The following DNM3 variants were observed in gnomAD, a reference collection of about 807,000 sequenced individuals.
DNM3 encodes the protein dynamin 3.
In DNM3, 47 loss-of-function variants were observed where a neutral mutation model predicts 101.6. The observed-to-expected ratio is 0.46, with a 90% CI of 0.37 to 0.59. DNM3 has a LOEUF of 0.59. DNM3 is among the 20% of genes least tolerant of loss of function. The pLI, the probability that DNM3 is intolerant of heterozygous loss-of-function variation, is 0.00. For synonymous variants in DNM3, 385 were observed against 387.9 expected (o/e 0.99, Z 0.09); for missense variants, 849 against 1,085.7 (o/e 0.78, Z 3.06).
At chr1:171,977,568 T>C (rs1477526435) in intron 2 of DNM3, among the ~76,000 whole-genome samples, 1 of 152,256 alleles carries the variant, frequency 6.6e-6, no homozygotes, top group African/African-American at 2.4e-5. Flanking sequence ...CAATTGGAAT[T>C]AGATAGAAAT....
chr1:172,278,016 G>A (rs1180445363), intron 15 of DNM3, among the ~76,000 whole-genome samples: 2 of 152,066 alleles, frequency 1.3e-5, no homozygotes, highest in East Asian at 1.9e-4. Context: ...TCAGCTCAGA[G>A]ATTCATTGCA....
chr1:171,998,001 C>T (rs896355226), intron 4 of DNM3, among the ~76,000 whole-genome samples: 1 of 152,006 alleles, frequency 6.6e-6, no homozygotes, highest in African/African-American at 2.4e-5. Flanking sequence ...CCAAAGTATG[C>T]CAGTCAGGTG....
At chr1:171,937,033 A>C (rs2125394055) in intron 2 of DNM3, among the ~76,000 whole-genome samples, 1 of 152,316 alleles carries the variant, frequency 6.6e-6, no homozygotes, top group Middle Eastern at 3.4e-3. Context: ...TTCACCGATG[A>C]GATATTTTAA....
intron 14 of DNM3, among the ~76,000 whole-genome samples, chr1:172,211,016 G>A (rs1027171081): frequency 5.9e-5 from 9 of 152,022 alleles, no homozygotes; most frequent in African/African-American, 2.2e-4. Flanking sequence ...GATTGCTATT[G>A]CAGCCAAAGG....
intron 2 of DNM3, among the ~76,000 whole-genome samples, chr1:171,941,821 T>G (rs2041834577): frequency 6.6e-6 from 1 of 152,230 alleles, no homozygotes; most frequent in African/African-American, 2.4e-5. Flanking sequence ...TATCATTTTC[T>G]AATTATGCCC....
intron 1 of DNM3, among the ~76,000 whole-genome samples, chr1:171,845,877 A>G (rs545358231): frequency 3.9e-5 from 6 of 152,360 alleles, no homozygotes; most frequent in African/African-American, 1.2e-4. Context: ...TTCAATGCTA[A>G]TTATATAGGC....
downstream of DNM3, chr1:172,412,768 T>TAATA (rs1439784283): frequency 1.0e-6 from 1 of 979,856 alleles, no homozygotes; most frequent in Non-Finnish European, 1.2e-6. Flanking sequence ...TGCCTTTCAG[T>TAATA]AATACCTGAG....
chr1:172,292,166 G>A (rs1557942591), intron 15 of DNM3, among the ~76,000 whole-genome samples: 1 of 151,896 alleles, frequency 6.6e-6, no homozygotes, highest in East Asian at 1.9e-4. Context: ...CCTTATCTTT[G>A]GCATTGTGTT....
intron 14 of DNM3, among the ~76,000 whole-genome samples, chr1:172,193,146 C>T (rs1001472578): frequency 7.2e-5 from 11 of 151,998 alleles, no homozygotes; most frequent in South Asian, 2.1e-4. Context: ...AGCATTTTTT[C>T]GTGTGTTTTT....
intron 10 of DNM3, among the ~76,000 whole-genome samples, chr1:172,064,141 C>A (rs1201455126): frequency 1.3e-5 from 2 of 152,092 alleles, no homozygotes; most frequent in Non-Finnish European, 2.9e-5. Flanking sequence ...TAACTAATAG[C>A]AAATCCTTCA....
intron 16 of DNM3, among the ~76,000 whole-genome samples, chr1:172,317,505 GAA>G (rs968334444): frequency 3.3e-5 from 5 of 151,730 alleles, no homozygotes; most frequent in Non-Finnish European, 7.4e-5. Context: ...GACTAATAAA[GAA>G]AAAAAGAGAG....
At position 172,058,879 on chromosome 1, in the gene DNM3, AC is replaced by A. The variant is rs1284221310; in HGVS notation, c.1336-9937del. Among the ~76,000 whole-genome samples the A allele has an allele frequency of 2.6e-5, 4 of 152,106 alleles. No homozygotes were observed. The East Asian group carries it at 7.7e-4, about 29-fold the overall frequency. The stretch of plus-strand genomic sequence containing the variant: ...ACTGAAGGAAATAGAGACAAAAAAA[AC>A]CCTTAAAAAATTAATGAATCCAGGA... On this transcript the variant is annotated intron_variant, in intron 10 of 20. Coordinates refer to ENST00000627582, the MANE Select transcript of DNM3 (RefSeq NM_015569.5).
intron 13 of DNM3, among the ~76,000 whole-genome samples, chr1:172,093,154 C>T (rs559717476): frequency 1.3e-5 from 2 of 152,234 alleles, no homozygotes; most frequent in African/African-American, 2.4e-5. Context: ...TGCTTGCTTA[C>T]GTTACCCCTA....
intron 20 of DNM3, among the ~76,000 whole-genome samples, chr1:172,392,622 C>T (rs531394060): frequency 2.6e-5 from 4 of 152,232 alleles, no homozygotes; most frequent in African/African-American, 4.8e-5. Flanking sequence ...TCACTGAATC[C>T]GAGTGTGTTT....
intron 1 of DNM3, among the ~76,000 whole-genome samples, chr1:171,890,183 A>G (rs1289538689): frequency 6.6e-6 from 1 of 152,242 alleles, no homozygotes; most frequent in African/African-American, 2.4e-5. Context: ...GTTCTCAAAC[A>G]GTGTGGGATC....
intron 2 of DNM3, among the ~76,000 whole-genome samples, chr1:171,948,924 A>G (rs1293928395): frequency 6.6e-6 from 1 of 152,178 alleles, no homozygotes; most frequent in Non-Finnish European, 1.5e-5. Context: ...ATTTGTTTAG[A>G]TAGATTGTTT....
At chr1:172,394,304 C>T (rs1432675878) in intron 20 of DNM3, 1 of 152,208 alleles carries the variant, frequency 6.6e-6, no homozygotes, top group Non-Finnish European at 1.5e-5. Context: ...GAAAGCAAGT[C>T]TTGTGAAAGT....
At chr1:172,262,259 A>G (rs930682911) in intron 15 of DNM3, among the ~76,000 whole-genome samples, 1 of 152,114 alleles carries the variant, frequency 6.6e-6, no homozygotes, top group Non-Finnish European at 1.5e-5. Flanking sequence ...GAAAAGGTGT[A>G]GTTACCCCTC....
At chr1:172,106,952 C>T (rs1278970631) in intron 13 of DNM3, among the ~76,000 whole-genome samples, 1 of 147,328 alleles carries the variant, frequency 6.8e-6, no homozygotes, top group African/African-American at 2.5e-5. Flanking sequence ...GCTCCGCTTC[C>T]CGGGTTCACG....
Sources: allele counts gnomAD v4.1 joint callset (sites outside exome capture counted in the v4.1 genomes callset), GRCh38; gene constraint gnomAD v4.1.1; transcripts MANE v1.5; gene names NCBI Gene and HGNC (gene_info 2026-07-23, HGNC 2026-07-21).